The following MSH3 variants were observed in gnomAD, a reference collection of about 807,000 sequenced individuals.
MSH3 encodes mutS homolog 3.
Under a neutral mutation model 123.3 loss-of-function variants are expected in MSH3, and 106 were observed. That is an observed-to-expected ratio of 0.86 (90% CI 0.73 to 1.01). The LOEUF (loss-of-function observed/expected upper bound fraction) is 1.01. Ranked by LOEUF, MSH3 falls within the 50% of genes least tolerant of loss-of-function variation. The pLI, the probability that MSH3 is intolerant of heterozygous loss-of-function variation, is 0.00. For synonymous variants in MSH3, 515 were observed against 481.4 expected (o/e 1.07, Z -0.91); for missense variants, 1,459 against 1,347.6 (o/e 1.08, Z -1.29).
At chr5:80,780,947 G>A (rs1025049124) in intron 17 of MSH3, among the ~76,000 whole-genome samples, 4 of 151,904 alleles carry the variant, frequency 2.6e-5, no homozygotes, top group African/African-American at 4.8e-5. Context: ...TAATCAACCC[G>A]ACAAATGAAA....
At chr5:80,873,340 T>C in intron 23 of MSH3, 53 bp downstream of exon 23, 1 of 1,589,880 alleles carries the variant, frequency 6.3e-7, no homozygotes, top group Non-Finnish European at 8.6e-7. Context: ...TTCTAAGTTG[T>C]CCAAGAAAGA....
intron 20 of MSH3, among the ~76,000 whole-genome samples, chr5:80,829,123 A>G (rs1379259058): frequency 6.6e-6 from 1 of 152,176 alleles, no homozygotes; most frequent in African/African-American, 2.4e-5. Flanking sequence ...CTCATCACCC[A>G]ATCACCTCTT....
chr5:80,852,922 G>A (rs1161747116), intron 20 of MSH3, among the ~76,000 whole-genome samples: 7 of 152,216 alleles, frequency 4.6e-5, no homozygotes, highest in African/African-American at 1.7e-4. Context: ...AAGGGATTTT[G>A]CTGAGAAAGT....
intron 8 of MSH3, among the ~76,000 whole-genome samples, chr5:80,721,960 C>A (rs1285461927): frequency 2.0e-5 from 3 of 151,992 alleles, no homozygotes. Flanking sequence ...TGTCTGTTGT[C>A]TTAGATTGTA....
chr5:80,787,774 T>G (rs1744535665), intron 18 of MSH3, 102 bp downstream of exon 18: 1 of 815,360 alleles, frequency 1.2e-6, no homozygotes, highest in Admixed American at 2.0e-5. Flanking sequence ...GTTACTCAAA[T>G]GTGTTAGACT....
rs1749181133 is a variant in MSH3 at position 80,654,707 on chromosome 5, G to T, written c.-21G>T. The T allele has an allele frequency of 1.9e-6, 3 of 1,582,908 alleles. No homozygotes were observed. In the East Asian group the frequency reaches 7.3e-5, roughly 39 times the overall value. On this transcript the variant is annotated 5_prime_UTR_variant, in exon 1 of 24. Transcript: ENST00000265081. ...CGCTCCTCGCCAGGCCCTGCCGCCG[G>T]GCTGCCATCCTTGCCCTGCCATGTC...
intron 1 of MSH3, among the ~76,000 whole-genome samples, chr5:80,655,977 CACTT>C (rs1175399685): frequency 2.6e-5 from 4 of 152,192 alleles, no homozygotes; most frequent in East Asian, 1.9e-4. Context: ...AAACAGGAAA[CACTT>C]AAATTGCAGT....
At chr5:80,699,574 A>G (rs908698475) in intron 8 of MSH3, among the ~76,000 whole-genome samples, 1 of 151,832 alleles carries the variant, frequency 6.6e-6, no homozygotes, top group African/African-American at 2.4e-5. Context: ...AAAAAAAAAA[A>G]AAAAAAAGGT....
chr5:80,819,450 G>GTGTA (rs1745165053), intron 20 of MSH3, among the ~76,000 whole-genome samples: 1 of 139,530 alleles, frequency 7.2e-6, no homozygotes, highest in Non-Finnish European at 1.5e-5. Flanking sequence ...ATGTATATGT[G>GTGTA]TGTGTGTGTG....
intron 20 of MSH3, among the ~76,000 whole-genome samples, chr5:80,826,969 G>C (rs1267676188): frequency 1.3e-5 from 2 of 152,210 alleles, no homozygotes; most frequent in East Asian, 3.9e-4. Context: ...GGATATATCT[G>C]TGCATTATGA....
intron 9 of MSH3, among the ~76,000 whole-genome samples, chr5:80,726,023 A>G (rs889946822): frequency 4.6e-5 from 7 of 152,234 alleles, no homozygotes; most frequent in African/African-American, 1.4e-4. Context: ...TGGATGATAA[A>G]TATTCTGATG....
intron 11 of MSH3, among the ~76,000 whole-genome samples, chr5:80,742,003 C>CTTTTTTT (rs565490803): frequency 6.9e-6 from 1 of 144,860 alleles, no homozygotes; most frequent in Non-Finnish European, 1.5e-5. Context: ...TGCAAACTTT[C>CTTTTTTT]TTTTTTTTTT....
intron 10 of MSH3, among the ~76,000 whole-genome samples, chr5:80,739,606 C>T (rs1289178585): frequency 6.6e-6 from 1 of 152,142 alleles, no homozygotes; most frequent in African/African-American, 2.4e-5. Context: ...TAACTGCTAC[C>T]AGAGGGAGAG....
At chr5:80,874,730 A>G (rs1021856299) in intron 23 of MSH3, among the ~76,000 whole-genome samples, 2 of 152,196 alleles carry the variant, frequency 1.3e-5, no homozygotes, top group Admixed American at 6.5e-5. Flanking sequence ...GGCAATTTCT[A>G]TATTTTCATA....
intron 15 of MSH3, among the ~76,000 whole-genome samples, chr5:80,773,427 T>G (rs1231922945): frequency 6.6e-6 from 1 of 152,210 alleles, no homozygotes; most frequent in Non-Finnish European, 1.5e-5. Flanking sequence ...GTGGCAGATT[T>G]GAAACTGTAG....
intron 19 of MSH3, among the ~76,000 whole-genome samples, chr5:80,793,097 A>G (rs898341871): frequency 3.3e-5 from 5 of 152,208 alleles, no homozygotes; most frequent in African/African-American, 1.2e-4. Flanking sequence ...AATATTTTAC[A>G]TTTGTAAATA....
chr5:80,721,348 A>G (rs1051727171), intron 8 of MSH3, among the ~76,000 whole-genome samples: 1 of 152,128 alleles, frequency 6.6e-6, no homozygotes, highest in Non-Finnish European at 1.5e-5. Flanking sequence ...AGTGCTTTGC[A>G]TCACTGGTTT....
At position 80,738,936 on chromosome 5, in the gene MSH3, C is replaced by G. The variant is rs149380382; in HGVS notation, c.1569-2528C>G. On this transcript the variant is annotated intron_variant, in intron 10 of 23. Coordinates refer to ENST00000265081, the MANE Select transcript of MSH3 (RefSeq NM_002439.5). ...TGTCCCTCCTCCATGTGAAGACACA[C>G]AGAAGGTGCCATCTATGGGGACTGA... 3.8e-3 allele frequency among the ~76,000 whole-genome samples: 584 copies of G among 152,322 alleles called. 4 individuals carry two copies. The highest frequency in any genetic ancestry group is 0.013 in the African/African-American group (545 of 41,564).
At chr5:80,758,270 T>A (rs1743963012) in intron 12 of MSH3, among the ~76,000 whole-genome samples, 1 of 152,212 alleles carries the variant, frequency 6.6e-6, no homozygotes, top group Non-Finnish European at 1.5e-5. Context: ...TGGATGCTAT[T>A]TATCCCTCTT....
Sources: gnomAD v4.1 joint callset for allele counts (sites outside exome capture counted in the v4.1 genomes callset) on GRCh38, gnomAD v4.1.1 for gene constraint, MANE v1.5 for transcripts, NCBI Gene and HGNC (gene_info 2026-07-23, HGNC 2026-07-21) for gene names.